Variants in LEMD3 observed in about 807,000 individuals in gnomAD.
LEMD3 encodes the protein inner nuclear membrane protein Man1.
In LEMD3, 33 loss-of-function variants were observed where a neutral mutation model predicts 95.2. The observed-to-expected ratio is 0.35, with a 90% CI of 0.26 to 0.46. The LOEUF (loss-of-function observed/expected upper bound fraction) is 0.46. Among genes scored for constraint, LEMD3 ranks in the 20% least tolerant of loss-of-function variants. The pLI, the probability that LEMD3 is intolerant of heterozygous loss-of-function variation, is 1.00. For synonymous variants in LEMD3, 525 were observed against 474.6 expected (o/e 1.11, Z -1.38); for missense variants, 1,210 against 1,192.8 (o/e 1.01, Z -0.21).
At position 65,169,788 on chromosome 12, in the gene LEMD3, G is replaced by A. The variant is rs762245557; in HGVS notation, c.192G>A (p.Arg64=). ...CAGGGGGCCGCGGCAACAAGACGCG[G>A]AACAGTAATAACAATAACACGGCAG... ...HRSGGRGNKT[R]NSNNNNTAAA... The change falls in exon 1 of 13, where the codon CGG becomes CGA. Residue 64 remains arginine, a synonymous_variant. Coordinates refer to ENST00000308330, the MANE Select transcript of LEMD3 (RefSeq NM_014319.5). 6 of 1,571,562 alleles carry A rather than the reference G, an allele frequency of 3.8e-6. No individual in the cohort carries two copies. The African/African-American group carries it at 6.8e-5, about 18-fold the overall frequency.
intron 4 of LEMD3, among the ~76,000 whole-genome samples, chr12:65,233,151 G>T (rs886281890): frequency 6.6e-6 from 1 of 152,122 alleles, no homozygotes; most frequent in African/African-American, 2.4e-5. Flanking sequence ...AAACCATAGA[G>T]GGGCTAATAA....
At chr12:65,203,106 A>G (rs996402258) in intron 1 of LEMD3, among the ~76,000 whole-genome samples, 3 of 152,090 alleles carry the variant, frequency 2.0e-5, no homozygotes, top group Non-Finnish European at 4.4e-5. Flanking sequence ...TTCTCTTCCT[A>G]ATTTTCCAAG....
intron 4 of LEMD3, among the ~76,000 whole-genome samples, chr12:65,238,235 A>AC (rs1307831513): frequency 2.0e-5 from 3 of 152,154 alleles, no homozygotes; most frequent in Non-Finnish European, 4.4e-5. Flanking sequence ...AAATTGTCCC[A>AC]CTGCACTCCA....
At chr12:65,234,367 A>G (rs981558798) in intron 4 of LEMD3, among the ~76,000 whole-genome samples, 2 of 152,228 alleles carry the variant, frequency 1.3e-5, no homozygotes, top group African/African-American at 4.8e-5. Flanking sequence ...TGAATAATAA[A>G]ACAGTTTAAA....
At position 65,180,847 on chromosome 12, in the gene LEMD3, A is replaced by G. The variant is rs1046235768; in HGVS notation, c.1522+9729A>G. On this transcript the variant is annotated intron_variant, in intron 1 of 12. Coordinates refer to ENST00000308330, the MANE Select transcript of LEMD3 (RefSeq NM_014319.5). ...TTCAGCTCTCCTGAACTAATTGGGT[A>G]GTAAGTATGCACCAATTGCTGTTCT... Among the ~76,000 whole-genome samples the G allele has an allele frequency of 2.0e-5, 3 of 152,236 alleles. 1 individual carries two copies. The highest frequency in any genetic ancestry group is 1.3e-4 in the Admixed American group (2 of 15,284).
At chr12:65,233,894 A>G (rs931767621) in intron 4 of LEMD3, among the ~76,000 whole-genome samples, 2 of 152,196 alleles carry the variant, frequency 1.3e-5, no homozygotes, top group African/African-American at 4.8e-5. Context: ...TCATGGGGGT[A>G]TGCGTGAGTA....
In LEMD3 at chr12:65,245,949, T is replaced by C; in HGVS notation, c.2572+10T>C. On this transcript the variant is annotated intron_variant, in intron 12 of 12. Coordinates refer to ENST00000308330, the MANE Select transcript of LEMD3 (RefSeq NM_014319.5). ...GGCTCTTGGTTTGATGGTAAGAAAT[T>C]TGAGTACTACAAACATTTTGAAAAG... 1.3e-6 allele frequency: 2 copies of C among 1,583,788 alleles called. No individual in the cohort carries two copies. Among genetic ancestry groups the C allele is most frequent in the South Asian group, 1.1e-5 (1 of 90,346 alleles).
chr12:65,241,317 G>C (rs923707874), intron 9 of LEMD3, among the ~76,000 whole-genome samples: 1 of 151,760 alleles, frequency 6.6e-6, no homozygotes, highest in African/African-American at 2.4e-5. Context: ...CTTGAATCTT[G>C]CCTTTTTCAC....
At position 65,238,720 on chromosome 12, in the gene LEMD3, G is replaced by C; in HGVS notation, c.1827G>C (p.Gln609His). 2.5e-6 allele frequency: 4 copies of C among 1,614,036 alleles called. No individual in the cohort carries two copies. Among genetic ancestry groups the C allele is most frequent in the Non-Finnish European group, 3.4e-6 (4 of 1,179,954 alleles). The change falls in exon 6 of 13, where the codon CAG becomes CAC. Residue 609 changes from glutamine to histidine, a missense_variant. This residue lies in a region of LEMD3 where 461 missense variants were observed against 569.8 expected (regional missense o/e 0.81). Transcript: ENST00000308330. ...EEELTNITDV[Q>H]FLQSTRPLMS... ...AATTGACAAATATAACTGATGTGCA[G>C]TTTTTACAGTCCACAAGACCACTGA...
chr12:65,213,103 TA>T (rs1869992869), intron 2 of LEMD3, among the ~76,000 whole-genome samples: 1 of 152,140 alleles, frequency 6.6e-6, no homozygotes, highest in Admixed American at 6.5e-5. Context: ...GATAGATAGA[TA>T]GATAGATAGA....
chr12:65,213,990 T>C (rs1388727119), intron 2 of LEMD3, among the ~76,000 whole-genome samples: 1 of 152,222 alleles, frequency 6.6e-6, no homozygotes, highest in Non-Finnish European at 1.5e-5. Flanking sequence ...CCTATTATGT[T>C]GAAGATATTT....
chr12:65,223,017 G>A (rs992183927), intron 4 of LEMD3, among the ~76,000 whole-genome samples: 19 of 151,900 alleles, frequency 1.3e-4, no homozygotes, highest in African/African-American at 4.3e-4. Flanking sequence ...GTATGATTTC[G>A]GTCGTCTTTA....
At chr12:65,185,324 G>A (rs1449666493) in intron 1 of LEMD3, among the ~76,000 whole-genome samples, 1 of 152,130 alleles carries the variant, frequency 6.6e-6, no homozygotes, top group Non-Finnish European at 1.5e-5. Flanking sequence ...TAAATGTGTA[G>A]TAGCTGGATT....
At chr12:65,240,276 A>T (rs1870895483) in intron 8 of LEMD3, 38 bp downstream of exon 8, 1 of 1,428,832 alleles carries the variant, frequency 7.0e-7, no homozygotes, top group African/African-American at 1.4e-5. Context: ...TAAATCAGAA[A>T]ATTTAAGTGC....
intron 1 of LEMD3, among the ~76,000 whole-genome samples, chr12:65,183,145 G>A (rs901197757): frequency 6.6e-6 from 1 of 152,058 alleles, no homozygotes; most frequent in Non-Finnish European, 1.5e-5. Flanking sequence ...CAGTAGCCAC[G>A]TTAAAACATA....
At chr12:65,233,883 T>C (rs923136856) in intron 4 of LEMD3, among the ~76,000 whole-genome samples, 4 of 152,016 alleles carry the variant, frequency 2.6e-5, no homozygotes, top group Non-Finnish European at 5.9e-5. Context: ...TTTGGGAGAG[T>C]TCATGGGGGT....
Position 65,243,399 on chromosome 12 carries a change from G to A in LEMD3, c.2317G>A (p.Asp773Asn), listed in dbSNP as rs1353475059. The change falls in exon 10 of 13, where the codon GAT (aspartate) becomes AAT (asparagine). Residue 773 changes from aspartate to asparagine, a missense_variant. Around this residue, in one of 2 missense-constraint regions of LEMD3, gnomAD observed 461 missense variants for 569.8 expected, o/e 0.81. Transcript: ENST00000308330. Reference sequence around the variant, plus strand: ...CTTGTTTTTTGTAGCATTTCATTTAGATAGAAGAAATTCACCACCAAATAG... The same window carrying A: ...CTTGTTTTTTGTAGCATTTCATTTAAATAGAAGAAATTCACCACCAAATAG... Reference protein sequence around the residue: ...KVWQGQAFHLDRRNSPPNSLT... With the variant: ...KVWQGQAFHLNRRNSPPNSLT... 1 of 1,589,058 alleles carries A rather than the reference G, an allele frequency of 6.3e-7. No homozygotes were observed. Among genetic ancestry groups the A allele is most frequent in the Non-Finnish European group, 8.6e-7 (1 of 1,157,328 alleles).
intron 1 of LEMD3, among the ~76,000 whole-genome samples, chr12:65,181,791 A>G (rs1868911689): frequency 6.6e-6 from 1 of 152,160 alleles, no homozygotes; most frequent in Admixed American, 6.5e-5. Flanking sequence ...AGGAAGAGAC[A>G]TGAAGAATGA....
At chr12:65,223,985 C>T (rs1189477562) in intron 4 of LEMD3, among the ~76,000 whole-genome samples, 1 of 152,034 alleles carries the variant, frequency 6.6e-6, no homozygotes, top group Non-Finnish European at 1.5e-5. Flanking sequence ...ACTTTAGTCA[C>T]ATGGAAAGTG....
Sources: gnomAD v4.1 joint callset for allele counts (sites outside exome capture counted in the v4.1 genomes callset) on GRCh38, gnomAD v4.1.1 for gene constraint, gnomAD v4.1.1 regional missense constraint, MANE v1.5 for transcripts, NCBI Gene and HGNC (gene_info 2026-07-23, HGNC 2026-07-21) for gene names.